The following HELZ2 variants were observed in gnomAD, a reference collection of about 807,000 sequenced individuals.
The protein encoded by HELZ2 is 3'-5' exoribonuclease HELZ2.
In HELZ2, 143 loss-of-function variants were observed where a neutral mutation model predicts 208.8. That is an observed-to-expected ratio of 0.68 (90% CI 0.60 to 0.79). HELZ2 has a LOEUF of 0.79. HELZ2 is among the 30% of genes least tolerant of loss of function. The pLI is 0.00. For synonymous variants in HELZ2, 1,705 were observed against 1,693.7 expected (o/e 1.01, Z -0.16); for missense variants, 3,690 against 3,794.5 (o/e 0.97, Z 0.72).
chr20:63,572,355 C>T lies in HELZ2; in HGVS notation c.31G>A (p.Gly11Ser), dbSNP rs201708296. ...GTGAGCAGGTCCCCCCGCTGGAGGC[C>T]ACCCAGCTGCTCGGCCTCCCACACA... Residue 11 changes from glycine to serine, a missense_variant, in exon 1 of 19, where the codon GGC becomes AGC. Transcript: ENST00000467148. The T allele has an allele frequency of 1.6e-4, 254 of 1,562,030 alleles. 2 individuals are homozygous for T. In the African/African-American group the frequency reaches 3.1e-3, roughly 19 times the overall value.
At chr20:63,569,843 G>A (rs537176280) in intron 3 of HELZ2, among the ~76,000 whole-genome samples, 178 bp from the exon 5 acceptor site, 1 of 152,350 alleles carries the variant, frequency 6.6e-6, no homozygotes, top group South Asian at 2.1e-4. Context: ...TGCTACATGG[G>A]GGTGGCTGAA....
chr20:63,569,244 C>T, exon 4 of HELZ2: 1 of 1,570,434 alleles, frequency 6.4e-7, no homozygotes, highest in Non-Finnish European at 8.6e-7. Context: ...CGAGGCCACG[C>T]TGCTGCGGTT....
exon 17 of HELZ2, chr20:63,560,228 C>T: frequency 6.4e-7 from 1 of 1,555,294 alleles, no homozygotes; most frequent in Non-Finnish European, 8.7e-7. Flanking sequence ...CGCCGAAGGG[C>T]CTTGCTGATC....
upstream of HELZ2, chr20:63,573,257 GGACATCT>G (rs2083031423): frequency 6.6e-6 from 1 of 152,294 alleles, no homozygotes; most frequent in African/African-American, 2.4e-5. The surrounding 1 kb of genome is among the most constrained non-coding windows in gnomAD (Gnocchi z 4.9). Context: ...TGAGGCCAGA[GGACATCT>G]GGTCCAGGCC....
chr20:63,561,278 C>T lies in HELZ2; in HGVS notation c.6954-4G>A, dbSNP rs1600967700. The T allele has an allele frequency of 6.2e-7, 1 of 1,612,428 alleles. No homozygotes were observed. The highest frequency in any genetic ancestry group is 8.5e-7 in the Non-Finnish European group (1 of 1,179,608). Reference sequence around the variant, plus strand: ...CTCCCACAAGACCTTCTTGTACCTGCCGGGGACACTGCTTGTCACCCCAGG... The same window carrying T: ...CTCCCACAAGACCTTCTTGTACCTGTCGGGGACACTGCTTGTCACCCCAGG... On this transcript the variant is annotated splice_polypyrimidine_tract_variant and splice_region_variant and intron_variant, in intron 13 of 18. Transcript: ENST00000467148.
At chr20:63,570,175 A>ATC in intron 3 of HELZ2, 1 of 462,474 alleles carries the variant, frequency 2.2e-6, no homozygotes, top group Non-Finnish European at 4.2e-6. Context: ...GGCCAGGCTG[A>ATC]TCTCGAACTC....
downstream of HELZ2, chr20:63,558,273 C>T (rs1211856962): frequency 6.6e-6 from 1 of 152,290 alleles, no homozygotes; most frequent in African/African-American, 2.4e-5. Flanking sequence ...CTGCCCCGAA[C>T]ACTCAGTCCA....
rs61741972 is a variant in HELZ2, at chr20:63,564,997, G to A, written c.3825C>T (p.Gly1275=). 3.1e-6 allele frequency: 5 copies of A among 1,596,610 alleles called. No homozygotes were observed. In the African/African-American group the frequency reaches 6.7e-5, roughly 21 times the overall value. Residue 1275 remains glycine (G), a synonymous_variant, in exon 8 of 19, where the codon GGC becomes GGT. Transcript: ENST00000467148. ...GGACGATGCCCAGCGGGTAGTAGAA[G>A]CCTTGCCGCCACAGGACAATTTGGA...
At chr20:63,565,418 A>G (rs1333930279) in exon 8 of HELZ2, 1 of 1,611,090 alleles carries the variant, frequency 6.2e-7, no homozygotes, top group Admixed American at 1.7e-5. Flanking sequence ...GGTCTCTGGC[A>G]CGAAAGAGCA....
At chr20:63,561,982 T>C in exon 11 of HELZ2, 2 of 1,593,760 alleles carry the variant, frequency 1.3e-6, no homozygotes, top group African/African-American at 1.3e-5. Context: ...GTCTTCCCTG[T>C]ACCTGCAGCC....
At chr20:63,562,303 G>T in exon 9 of HELZ2, 1 of 1,599,062 alleles carries the variant, frequency 6.3e-7, no homozygotes. Context: ...CAGAGGGGCT[G>T]CGGGACAGGC....
chr20:63,562,595 T>G, exon 8 of HELZ2: 1 of 1,599,274 alleles, frequency 6.3e-7, no homozygotes, highest in Non-Finnish European at 8.5e-7. Context: ...CGGAACCTTC[T>G]CCATGCCCAT....
chr20:63,564,056 C>A (rs145214493), exon 8 of HELZ2: 6 of 1,604,114 alleles, frequency 3.7e-6, no homozygotes, highest in Non-Finnish European at 5.1e-6. Context: ...GGGGGGACTG[C>A]CCCCGCCGCC....
exon 1 of HELZ2, chr20:63,572,133 G>A (rs376442083): frequency 3.1e-6 from 5 of 1,611,368 alleles, no homozygotes; most frequent in Non-Finnish European, 3.4e-6. Flanking sequence ...AACTTGGAGA[G>A]TCCCGGGGGT....
chr20:63,558,770 TCA>T (rs1434992205), downstream of HELZ2: 1 of 152,568 alleles, frequency 6.6e-6, no homozygotes, highest in Non-Finnish European at 1.5e-5. Context: ...ACTCCTGACC[TCA>T]GGTGATCTGC....
At chr20:63,569,531 G>A in exon 4 of HELZ2, 3 of 1,608,674 alleles carry the variant, frequency 1.9e-6, no homozygotes, top group Non-Finnish European at 2.5e-6. Flanking sequence ...CTCCCACCTG[G>A]AAGTCGGCAG....
exon 5 of HELZ2, chr20:63,568,733 C>A: frequency 6.2e-7 from 1 of 1,604,546 alleles, no homozygotes; most frequent in East Asian, 2.2e-5. Context: ...CAAGCAGCAG[C>A]GGGCCGGAAG....
upstream of HELZ2, chr20:63,574,094 C>T (rs1569040142): frequency 6.7e-6 from 1 of 148,512 alleles, no homozygotes; most frequent in Non-Finnish European, 1.5e-5. Context: ...CCCCCGGCCC[C>T]GCCACCCTGG....
chr20:63,559,994 A>G, exon 18 of HELZ2: 1 of 1,612,248 alleles, frequency 6.2e-7, no homozygotes, highest in Non-Finnish European at 8.5e-7. Context: ...TCCACAACGA[A>G]GCCCAGAAAC....
Sources: gnomAD v4.1 joint callset for allele counts (sites outside exome capture counted in the v4.1 genomes callset) on GRCh38, gnomAD v4.1.1 for gene constraint, Gnocchi (gnomAD v3.1) non-coding constraint, MANE v1.5 for transcripts, NCBI Gene and HGNC (gene_info 2026-07-23, HGNC 2026-07-21) for gene names.